The following ZNF594 variants were observed in gnomAD, a reference collection of about 807,000 sequenced individuals.
The protein encoded by ZNF594 is zinc finger protein HZF18.
For synonymous variants in ZNF594, 336 were observed against 309.4 expected (o/e 1.09, Z -0.90); for missense variants, 1,037 against 964.6 (o/e 1.08, Z -0.99).
rs746341742 is a variant in ZNF594 at position 5,180,970 on chromosome 17, T to TA, written c.*862dup. The stretch of plus-strand genomic sequence containing the variant: ...AGAATAGGTCCTGTTTGTAGACTCT[T>TA]ACAGTCTTCAAATTCCTTTCCAATG... On this transcript the variant is annotated 3_prime_UTR_variant, in exon 2 of 2. Transcript: ENST00000575779. 2 of 710,338 alleles carry TA rather than the reference T, an allele frequency of 2.8e-6. No homozygotes were observed. Among genetic ancestry groups the TA allele is most frequent in the Admixed American group, 2.0e-5 (1 of 49,706 alleles). 44.0% of individuals were successfully genotyped at this position (710,338 alleles called of 1,614,324 possible). A position where few individuals can be genotyped will look rare whatever the true frequency, so the allele number is the denominator to read the frequency against.
rs2144244309 is a variant in ZNF594, at chr17:5,182,734, C to T, written c.1523G>A (p.Arg508Lys). 1 of 1,614,034 alleles carries T rather than the reference C, an allele frequency of 6.2e-7. No homozygotes were observed. Among genetic ancestry groups the T allele is most frequent in the Non-Finnish European group, 8.5e-7 (1 of 1,180,004 alleles). The change falls in exon 2 of 2, where the codon AGA becomes AAA. Residue 508 changes from arginine to lysine, a missense_variant. Transcript: ENST00000575779. ...ATAGGGTTTCTCACCACTATGAATT[C>T]TCCGATGTTGAATAAGGAGTGAACG... ...RRRSLLIQHR[R>K]IHSGEKPYEC...
intron 1 of ZNF594, among the ~76,000 whole-genome samples, chr17:5,190,485 C>G (rs2074414834): frequency 6.6e-6 from 1 of 152,254 alleles, no homozygotes; most frequent in Non-Finnish European, 1.5e-5. Flanking sequence ...AGAAATGCCA[C>G]TATTTCATGC....
Position 5,181,875 on chromosome 17 carries a change from A to G in ZNF594, c.2382T>C (p.Cys794=), listed in dbSNP as rs1472052912. 1.9e-6 allele frequency: 3 copies of G among 1,613,708 alleles called. No homozygotes were observed. Among genetic ancestry groups the G allele is most frequent in the African/African-American group, 1.3e-5 (1 of 74,774 alleles). ...GTCTGAGCTCTGATTGAGTTTTCCC[A>G]CATTCTTTACATTCATATGGTTTCT... The part of the protein sequence containing the change: ...TREKPYECKE[C]GKTQSELRPS... Residue 794 remains cysteine (C), a synonymous_variant, in exon 2 of 2, where the codon TGT becomes TGC. Coordinates refer to ENST00000575779, the MANE Select transcript of ZNF594 (RefSeq NM_032530.2).
At chr17:5,187,144 A>T (rs1567828319) in intron 1 of ZNF594, among the ~76,000 whole-genome samples, 2 of 152,218 alleles carry the variant, frequency 1.3e-5, no homozygotes, top group East Asian at 3.8e-4. Context: ...GAGACTGGGA[A>T]GAAAAAGAGG....
At chr17:5,175,162 T>C (rs184182718), downstream of ZNF594, 120 of 162,086 alleles carry the variant, frequency 7.4e-4, no homozygotes, top group African/African-American at 1.8e-3. Context: ...CCCCAACTCC[T>C]GGGCTACAGA....
In ZNF594 at chr17:5,180,713, C is replaced by T. The variant is rs2074333031; in HGVS notation, c.*1120G>A. 1 of 267,048 alleles carries T rather than the reference C, an allele frequency of 3.7e-6. No homozygotes were observed. The highest frequency in any genetic ancestry group is 2.3e-5 in the African/African-American group (1 of 43,466). 16.5% of individuals were successfully genotyped at this position (267,048 alleles called of 1,614,324 possible). A position where few individuals can be genotyped will look rare whatever the true frequency, so the allele number is the denominator to read the frequency against. ...AATTTAAAAAATTGTATCGTTGGGACCATATTCTAGTGTCAGTTCTGAGAC... is the reference window on the plus strand; with the variant it reads ...AATTTAAAAAATTGTATCGTTGGGATCATATTCTAGTGTCAGTTCTGAGAC... On this transcript the variant is annotated 3_prime_UTR_variant, in exon 2 of 2. Transcript: ENST00000575779.
chr17:5,190,184 T>A (rs1391065775), intron 1 of ZNF594, among the ~76,000 whole-genome samples: 1 of 151,802 alleles, frequency 6.6e-6, no homozygotes, highest in East Asian at 1.9e-4. Context: ...CTGACCAACA[T>A]GGAGAGAAAT....
rs1360756237 is a variant in ZNF594, at chr17:5,181,247, G to A, written c.*586C>T. 2.5e-6 allele frequency: 4 copies of A among 1,612,298 alleles called. No homozygotes were observed. The highest frequency in any genetic ancestry group is 3.4e-6 in the Non-Finnish European group (4 of 1,178,448). On this transcript the variant is annotated 3_prime_UTR_variant, in exon 2 of 2. Transcript: ENST00000575779. ...TGCATACATAAGGTTTTTCTCCACTGTGAATTCTATGATGTCTCAGAAGGT... is the reference window on the plus strand; with the variant it reads ...TGCATACATAAGGTTTTTCTCCACTATGAATTCTATGATGTCTCAGAAGGT...
chr17:5,181,193 G>A lies in ZNF594; in HGVS notation c.*640C>T. On this transcript the variant is annotated 3_prime_UTR_variant, in exon 2 of 2. Transcript: ENST00000575779. ...CACGATGGTGTCTAATAAGATCTGAGCTGCCCCTAAAAGATTTCCCACATT... is the reference window on the plus strand; with the variant it reads ...CACGATGGTGTCTAATAAGATCTGAACTGCCCCTAAAAGATTTCCCACATT... 6.2e-7 allele frequency: 1 copy of A among 1,611,032 alleles called. No homozygotes were observed. The highest frequency in any genetic ancestry group is 8.5e-7 in the Non-Finnish European group (1 of 1,177,454).
chr17:5,180,838 C>T lies in ZNF594; in HGVS notation c.*995G>A. 1 of 409,640 alleles carries T rather than the reference C, an allele frequency of 2.4e-6. No homozygotes were observed. The highest frequency in any genetic ancestry group is 2.2e-5 in the South Asian group (1 of 44,872). The allele number at this position is 409,640 out of a possible 1,614,324, so 25.4% of individuals were successfully genotyped here. A position where few individuals can be genotyped will look rare whatever the true frequency, so the allele number is the denominator to read the frequency against. ...GTAGGTATTTTCTCTGCTTTCCCAC[C>T]TTCCCATGGTTTTTTTCTAATAAAA... On this transcript the variant is annotated 3_prime_UTR_variant, in exon 2 of 2. Coordinates refer to ENST00000575779, the MANE Select transcript of ZNF594 (RefSeq NM_032530.2).
rs2144250473 is a variant in ZNF594 at position 5,184,068 on chromosome 17, C to T, written c.189G>A (p.Glu63=). The T allele has an allele frequency of 6.2e-7, 1 of 1,614,192 alleles. No homozygotes were observed. The highest frequency in any genetic ancestry group is 2.2e-5 in the East Asian group (1 of 44,876). Residue 63 remains glutamate, a synonymous_variant, in exon 2 of 2, where the codon GAG becomes GAA. Coordinates refer to ENST00000575779, the MANE Select transcript of ZNF594 (RefSeq NM_032530.2). ...TAATATGCATTTCCCTGATACCGCTCTCTTGGGAAGGGAGATGTCTCATTG... is the reference window on the plus strand; with the variant it reads ...TAATATGCATTTCCCTGATACCGCTTTCTTGGGAAGGGAGATGTCTCATTG... ...KDAMRHLPSQ[E]SGIREMHIIP...
rs148322165 is a variant in ZNF594 at position 5,182,094 on chromosome 17, C to T, written c.2163G>A (p.Thr721=). The change falls in exon 2 of 2, where the codon ACG becomes ACA. Residue 721 remains threonine (T), a synonymous_variant. Coordinates refer to ENST00000575779, the MANE Select transcript of ZNF594 (RefSeq NM_032530.2). ...KECGKLFMWH[T]AFLKHQRLHA... ...GCAGTCTCTGATGTTTGAGGAAAGC[C>T]GTGTGCCACATGAAGAGTTTCCCAC... 5.0e-3 allele frequency: 8,116 copies of T among 1,610,746 alleles called. 445 individuals are homozygous for T. The African/African-American group carries it at 0.085, about 17-fold the overall frequency.
At chr17:5,188,051 T>C (rs2074397241) in intron 1 of ZNF594, among the ~76,000 whole-genome samples, 1 of 152,018 alleles carries the variant, frequency 6.6e-6, no homozygotes, top group African/African-American at 2.4e-5. Context: ...TACCCTCTCC[T>C]GCAACTGAAA....
rs1402877232 is a variant in ZNF594 at position 5,180,709 on chromosome 17, G to C, written c.*1124C>G. 24 of 262,566 alleles carry C rather than the reference G, an allele frequency of 9.1e-5. No homozygotes were observed. The highest frequency in any genetic ancestry group is 2.4e-4 in the South Asian group (6 of 25,340). 16.3% of individuals were successfully genotyped at this position (262,566 alleles called of 1,614,324 possible). On this transcript the variant is annotated 3_prime_UTR_variant, in exon 2 of 2. Transcript: ENST00000575779. ...AAATAATTTAAAAAATTGTATCGTT[G>C]GGACCATATTCTAGTGTCAGTTCTG...
At chr17:5,191,338 A>G (rs555900812) in intron 1 of ZNF594, 2 of 152,276 alleles carry the variant, frequency 1.3e-5, no homozygotes, top group Admixed American at 1.3e-4. Flanking sequence ...ACATATATGA[A>G]CAATACAGTT....
intron 1 of ZNF594, 138 bp from the exon 2 acceptor site, chr17:5,184,414 C>T (rs776075720): frequency 5.2e-5 from 46 of 886,528 alleles, no homozygotes; most frequent in African/African-American, 6.7e-5. Context: ...CTTTCACTAG[C>T]GACACTGTGG....
chr17:5,176,047 AAG>A, downstream of ZNF594, among the ~76,000 whole-genome samples: 1 of 152,348 alleles, frequency 6.6e-6, no homozygotes, highest in African/African-American at 2.4e-5. Context: ...CCGACGCTAA[AAG>A]AGTTTAATAG....
downstream of ZNF594, chr17:5,174,858 AAT>A (rs2074291953): frequency 5.2e-6 from 1 of 191,226 alleles, no homozygotes; most frequent in South Asian, 1.9e-4. Context: ...AATGTACATA[AAT>A]AGAGTGTAAA....
intron 1 of ZNF594, among the ~76,000 whole-genome samples, chr17:5,190,868 T>C (rs2074418324): frequency 6.6e-6 from 1 of 151,976 alleles, no homozygotes; most frequent in Non-Finnish European, 1.5e-5. Context: ...GATAAGATAT[T>C]GAGGCAAGCT....
Sources: allele counts gnomAD v4.1 joint callset (sites outside exome capture counted in the v4.1 genomes callset), GRCh38; gene constraint gnomAD v4.1.1; transcripts MANE v1.5; gene names NCBI Gene and HGNC (gene_info 2026-07-23, HGNC 2026-07-21).